Variants in INPP5D observed in about 807,000 individuals in gnomAD.
INPP5D encodes inositol polyphosphate-5-phosphatase D.
Under a neutral mutation model 122.9 loss-of-function variants are expected in INPP5D, and 33 were observed. That is an observed-to-expected ratio of 0.27 (90% CI 0.20 to 0.36). The LOEUF is 0.36. Among genes scored for constraint, INPP5D ranks in the 10% least tolerant of loss-of-function variants. The probability of loss-of-function intolerance (pLI) is 1.00; values close to 1 mark genes in which losing one functional copy is unlikely to be tolerated. For synonymous variants in INPP5D, 584 were observed against 576.2 expected, an observed-to-expected ratio of 1.01 and a Z score of -0.19; for missense variants, 1,053 against 1,412.7, an observed-to-expected ratio of 0.75 and a Z score of 4.08.
Position 233,167,708 on chromosome 2 carries a change from A to G in INPP5D, c.1556-1597A>G, listed in dbSNP as rs10177534. On this transcript the variant is annotated intron_variant, in intron 13 of 26. Coordinates refer to ENST00000445964, the MANE Select transcript of INPP5D (RefSeq NM_001017915.3). ...CCTATGGCCTATCCAGAGCTGTCCAACCAAAAGAAAATGGGGCCGGGTGCC... is the reference window on the plus strand; with the variant it reads ...CCTATGGCCTATCCAGAGCTGTCCAGCCAAAAGAAAATGGGGCCGGGTGCC... 4.3e-3 allele frequency among the ~76,000 whole-genome samples: 660 copies of G among 152,266 alleles called. 2 individuals carry two copies. Among genetic ancestry groups the G allele is most frequent in the South Asian group, 7.3e-3 (35 of 4,822 alleles).
At position 233,128,509 on chromosome 2, in the gene INPP5D, G is replaced by A. The variant is rs1223120823; in HGVS notation, c.525-1999G>A. On this transcript the variant is annotated intron_variant, in intron 4 of 26. Transcript: ENST00000445964. The surrounding 1 kb of genome is among the most constrained non-coding windows in gnomAD (Gnocchi z 4.5). ...AGTATTTTTTTTGAGATGGAGTCTC[G>A]CTCTGTCACCCAAGCTGGAACACAG... Among the ~76,000 whole-genome samples the A allele has an allele frequency of 1.3e-5, 2 of 152,020 alleles. No individual in the cohort carries two copies. The highest frequency in any genetic ancestry group is 1.3e-4 in the Admixed American group (2 of 15,256).
At chr2:233,086,176 T>TCTTTCTTC (rs1489065599) in intron 2 of INPP5D, among the ~76,000 whole-genome samples, 3 of 148,876 alleles carry the variant, frequency 2.0e-5, no homozygotes, top group Non-Finnish European at 4.4e-5. Flanking sequence ...TTTCTTTCTT[T>TCTTTCTTC]CTTTCTTTCT....
intron 5 of INPP5D, among the ~76,000 whole-genome samples, chr2:233,139,427 T>G (rs1475096698): frequency 6.6e-6 from 1 of 151,668 alleles, no homozygotes; most frequent in African/African-American, 2.4e-5. Context: ...GATTCTAGAC[T>G]CAATCAGGCG....
intron 2 of INPP5D, among the ~76,000 whole-genome samples, chr2:233,096,584 G>A (rs1449054600): frequency 6.6e-6 from 1 of 151,404 alleles, no homozygotes; most frequent in East Asian, 2.0e-4. Context: ...CCTGGGAGGC[G>A]GAGGTTGCAG....
chr2:233,152,267 T>A (rs1420993651), intron 9 of INPP5D, among the ~76,000 whole-genome samples: 1 of 152,156 alleles, frequency 6.6e-6, no homozygotes, highest in Non-Finnish European at 1.5e-5. Flanking sequence ...CTGGAGGGAA[T>A]CTGTGGTTGC....
At chr2:233,146,307 G>A (rs1000562398) in intron 7 of INPP5D, 60 bp from the exon 8 acceptor site, 1 of 704,156 alleles carries the variant, frequency 1.4e-6, no homozygotes. Flanking sequence ...CATGGAGAAT[G>A]CCCAGATGCA....
rs577212061 is a variant in INPP5D at position 233,170,947 on chromosome 2, C to A, written c.1901-117C>A. ...AAAGCAGCAGCCTCTCCTCTTGGAG[C>A]CTTTCCAGCCATCCTTTCGTCCCCT... is the stretch of plus-strand genomic sequence containing the variant. On this transcript the variant is annotated intron_variant, in intron 16 of 26. Transcript: ENST00000445964. This position sits in a 1 kb window ranked among gnomAD's most constrained non-coding sequence, Gnocchi z 4.5. 7 of 1,360,802 alleles carry A rather than the reference C, an allele frequency of 5.1e-6. No individual in the cohort carries two copies. In the African/African-American group the frequency reaches 8.9e-5, roughly 17 times the overall value. 84.3% of individuals were successfully genotyped at this position (1,360,802 alleles called of 1,614,324 possible). A position where few individuals can be genotyped will look rare whatever the true frequency, so the allele number is the denominator to read the frequency against.
intron 26 of INPP5D, chr2:233,205,545 A>G (rs1695477217): frequency 1.3e-5 from 2 of 150,890 alleles, no homozygotes; most frequent in Admixed American, 6.6e-5. Flanking sequence ...TATTTTTAGT[A>G]GAGATGGGAT....
intron 1 of INPP5D, among the ~76,000 whole-genome samples, chr2:233,077,324 G>A (rs570447677): frequency 6.6e-6 from 1 of 152,218 alleles, no homozygotes; most frequent in Non-Finnish European, 1.5e-5. Flanking sequence ...ATATCTTTCT[G>A]TATGGATTTC....
Position 233,170,172 on chromosome 2 carries a change from C to A in INPP5D, c.1791+8C>A, listed in dbSNP as rs781447677. The A allele has an allele frequency of 1.2e-6, 2 of 1,612,712 alleles. No homozygotes were observed. Among genetic ancestry groups the A allele is most frequent in the South Asian group, 2.2e-5 (2 of 90,978 alleles). ...GTGGATCTGCCTACCTGGGTAAGGG[C>A]TGCCCGCCTGGGGCTGGGGCTGGGG... On this transcript the variant is annotated splice_region_variant and intron_variant, in intron 15 of 26. Coordinates refer to ENST00000445964, the MANE Select transcript of INPP5D (RefSeq NM_001017915.3). This position sits in a 1 kb window ranked among gnomAD's most constrained non-coding sequence, Gnocchi z 4.5.
intron 2 of INPP5D, among the ~76,000 whole-genome samples, chr2:233,113,945 C>T (rs926126300): frequency 2.2e-5 from 3 of 136,802 alleles, no homozygotes; most frequent in Non-Finnish European, 4.5e-5. Context: ...CTCGCTCTGT[C>T]GCCCAGGCTG....
chr2:233,088,444 A>G (rs1316944450), intron 2 of INPP5D, among the ~76,000 whole-genome samples: 1 of 152,190 alleles, frequency 6.6e-6, no homozygotes, highest in Non-Finnish European at 1.5e-5. Context: ...ATGTCCCGAG[A>G]CAAGTTCCAG....
At chr2:233,086,121 C>CTTTCTTTCTTTCTT (rs2106216720) in intron 2 of INPP5D, among the ~76,000 whole-genome samples, 1 of 67,388 alleles carries the variant, frequency 1.5e-5, no homozygotes, top group South Asian at 6.3e-4. Context: ...AAGATAGCCT[C>CTTTCTTTCTTTCTT]TTTCTTTCTT....
intron 13 of INPP5D, among the ~76,000 whole-genome samples, chr2:233,168,005 C>CAAAA (rs58025565): frequency 7.7e-3 from 551 of 72,010 alleles, no homozygotes; most frequent in Non-Finnish European, 9.3e-3. Context: ...ACTCTGTCTC[C>CAAAA]AAAAAAAAAA....
chr2:233,161,528 G>A (rs1050367003), intron 10 of INPP5D, among the ~76,000 whole-genome samples, 196 bp from the exon 11 acceptor site: 2 of 152,194 alleles, frequency 1.3e-5, no homozygotes, highest in Non-Finnish European at 2.9e-5. Context: ...TGTTAAAGTC[G>A]CACCTTTGCA....
At chr2:233,192,918 T>G (rs1270952818) in intron 22 of INPP5D, among the ~76,000 whole-genome samples, 1 of 152,198 alleles carries the variant, frequency 6.6e-6, no homozygotes, top group Non-Finnish European at 1.5e-5. Context: ...GTGGTTTTGT[T>G]TTTTGTTTTT....
At chr2:233,148,884 T>C (rs1245192543) in intron 9 of INPP5D, among the ~76,000 whole-genome samples, 2 of 152,152 alleles carry the variant, frequency 1.3e-5, no homozygotes, top group Non-Finnish European at 2.9e-5. Context: ...TCAAAGTTCA[T>C]TTAGAGGGCA....
rs544846170 is a variant in INPP5D at position 233,181,426 on chromosome 2, C to T, written c.2072-984C>T. ...TTGGTGTGCCCTGGAATTCCATCCT[C>T]GTCTCTTCTCATCCTTCGTGTGAAA... On this transcript the variant is annotated intron_variant, in intron 18 of 26. Coordinates refer to ENST00000445964, the MANE Select transcript of INPP5D (RefSeq NM_001017915.3). Among the ~76,000 whole-genome samples, 49 of 152,276 alleles carry T rather than the reference C, an allele frequency of 3.2e-4. 1 individual carries two copies. The South Asian group carries it at 9.3e-3, about 29-fold the overall frequency.
At chr2:233,063,975 C>G (rs769807376) in intron 1 of INPP5D, among the ~76,000 whole-genome samples, 3 of 152,274 alleles carry the variant, frequency 2.0e-5, no homozygotes, top group Non-Finnish European at 2.9e-5. Flanking sequence ...GGCCAGCACA[C>G]CTGGCAGGGC....
Sources: gnomAD v4.1 joint callset for allele counts (sites outside exome capture counted in the v4.1 genomes callset) on GRCh38, gnomAD v4.1.1 for gene constraint, Gnocchi (gnomAD v3.1) non-coding constraint, MANE v1.5 for transcripts, NCBI Gene and HGNC (gene_info 2026-07-23, HGNC 2026-07-21) for gene names.